MLLT6: variants seen among roughly 807,000 people sequenced by gnomAD.
MLLT6 encodes protein AF-17.
Under a neutral mutation model 103.0 loss-of-function variants are expected in MLLT6, and 22 were observed. That is an observed-to-expected ratio of 0.21 (90% CI 0.15 to 0.31). The LOEUF is 0.31. Ranked by LOEUF, MLLT6 falls within the 10% of genes least tolerant of loss-of-function variation. The pLI, the probability that MLLT6 is intolerant of heterozygous loss-of-function variation, is 1.00. For synonymous variants in MLLT6, 606 were observed against 623.5 expected (o/e 0.97, Z 0.42); for missense variants, 1,199 against 1,441.7 (o/e 0.83, Z 2.73).
In MLLT6 at chr17:38,719,743, G is replaced by C. The variant is rs375074629; in HGVS notation, c.2010-7G>C. 1 of 1,605,758 alleles carries C rather than the reference G, an allele frequency of 6.2e-7. No individual in the cohort carries two copies. The highest frequency in any genetic ancestry group is 8.5e-7 in the Non-Finnish European group (1 of 1,174,588). On this transcript the variant is annotated splice_region_variant and splice_polypyrimidine_tract_variant and intron_variant, in intron 13 of 19. Coordinates refer to ENST00000621332, the MANE Select transcript of MLLT6 (RefSeq NM_005937.4). ...GTCGACTGAACCCAGGTTCCCTCTG[G>C]CCGCAGGTCCCCCATCAGCAGCCTC...
At position 38,707,970 on chromosome 17, in the gene MLLT6, G is replaced by T. The variant is rs377561835; in HGVS notation, c.354+98G>T. 2.9e-3 allele frequency: 2,361 copies of T among 816,718 alleles called. 23 individuals carry two copies. Among genetic ancestry groups the T allele is most frequent in the South Asian group, 0.013 (826 of 65,400 alleles). 50.6% of individuals were successfully genotyped at this position (816,718 alleles called of 1,614,324 possible). A position where few individuals can be genotyped will look rare whatever the true frequency, so the allele number is the denominator to read the frequency against. ...GGTGTAATTTGATTCTGTCCAACGA[G>T]CACTGAAAGGGAACTTGGGAGGTGG... On this transcript the variant is annotated intron_variant, in intron 4 of 19. Coordinates refer to ENST00000621332, the MANE Select transcript of MLLT6 (RefSeq NM_005937.4).
In MLLT6 at chr17:38,727,779, A is replaced by G. The variant is rs1227006858; in HGVS notation, c.*2181A>G. ...CACTGCACTCCAGCCTGTGTGAGAG[A>G]GTGAGACTCTGTCTCAAAAGAGAAA... On this transcript the variant is annotated 3_prime_UTR_variant, in exon 20 of 20. Coordinates refer to ENST00000621332, the MANE Select transcript of MLLT6 (RefSeq NM_005937.4). 4.5e-6 allele frequency: 1 copy of G among 223,576 alleles called. No homozygotes were observed. Among genetic ancestry groups the G allele is most frequent in the Non-Finnish European group, 8.9e-6 (1 of 112,172 alleles). 13.8% of individuals were successfully genotyped at this position (223,576 alleles called of 1,614,324 possible). A position where few individuals can be genotyped will look rare whatever the true frequency, so the allele number is the denominator to read the frequency against.
At chr17:38,707,634 CT>C in intron 3 of MLLT6, 94 bp downstream of exon 3, 1 of 1,387,538 alleles carries the variant, frequency 7.2e-7, no homozygotes, top group Non-Finnish European at 1.0e-6. Context: ...GCCGGGTTTC[CT>C]TTCCCTGGCT....
At chr17:38,725,325 G>A (rs1276423625) in intron 19 of MLLT6, 11 of 553,990 alleles carry the variant, frequency 2.0e-5, no homozygotes, top group East Asian at 3.2e-5. Flanking sequence ...CTCTCCTGAG[G>A]GCACACGGCC....
rs1369560066 is a variant in MLLT6 at position 38,719,954 on chromosome 17, TCC to T, written c.2155+62_2155+63del. Reference sequence around the variant, plus strand: ...CCTAGGGCCCTAACAGTCACCTTTCTCCCCGAGGTCCCCAAGCTTCTTTAAGG... The same window carrying T: ...CCTAGGGCCCTAACAGTCACCTTTCTCCGAGGTCCCCAAGCTTCTTTAAGG... On this transcript the variant is annotated intron_variant, in intron 14 of 19. Coordinates refer to ENST00000621332, the MANE Select transcript of MLLT6 (RefSeq NM_005937.4). 28 of 1,489,402 alleles carry T rather than the reference TCC, an allele frequency of 1.9e-5. No homozygotes were observed. In the South Asian group the frequency reaches 3.1e-4, roughly 17 times the overall value. 92.3% of individuals were successfully genotyped at this position (1,489,402 alleles called of 1,614,324 possible).
At chr17:38,710,986 G>A (rs145194419) in intron 6 of MLLT6, among the ~76,000 whole-genome samples, 2 of 152,262 alleles carry the variant, frequency 1.3e-5, no homozygotes, top group African/African-American at 4.8e-5. Flanking sequence ...GGCTGGGGCC[G>A]TAATCCCAGG....
intron 18 of MLLT6, 132 bp downstream of exon 18, chr17:38,722,900 G>C: frequency 2.8e-6 from 2 of 708,116 alleles, no homozygotes; most frequent in Non-Finnish European, 5.0e-6. Flanking sequence ...GGGCCTGTGG[G>C]ACTGGGGCTG....
At chr17:38,719,694 G>A (rs1023071675) in intron 13 of MLLT6, 56 bp from the exon 14 acceptor site, 1 of 1,583,158 alleles carries the variant, frequency 6.3e-7, no homozygotes, top group Non-Finnish European at 8.6e-7. Flanking sequence ...CGGGAGAAGG[G>A]CCAGAGGAGC....
In MLLT6 at chr17:38,705,611, C is replaced by T. The variant is rs934134772; in HGVS notation, c.-22C>T. 1.2e-5 allele frequency: 17 copies of T among 1,472,794 alleles called. No individual in the cohort carries two copies. The highest frequency in any genetic ancestry group is 1.5e-5 in the Non-Finnish European group (16 of 1,082,566). 91.2% of individuals were successfully genotyped at this position (1,472,794 alleles called of 1,614,324 possible). ...CCGCCGGCCGGCCCCCCGCCCCAGC[C>T]CCGGAGGGAGCTCATGGGAGTATGA... is the stretch of plus-strand genomic sequence containing the variant. On this transcript the variant is annotated 5_prime_UTR_variant, in exon 1 of 20. Transcript: ENST00000621332.
rs1229990990 is a variant in MLLT6 at position 38,728,814 on chromosome 17, G to A, written c.*3216G>A. The A allele has an allele frequency of 5.1e-5, 12 of 234,096 alleles. No individual in the cohort carries two copies. Among genetic ancestry groups the A allele is most frequent in the East Asian group, 4.2e-4 (7 of 16,602 alleles). 14.5% of individuals were successfully genotyped at this position (234,096 alleles called of 1,614,324 possible). Reference sequence around the variant, plus strand: ...ACGGTGTGAGTGCAGGGCTGTGCCCGGGGTGGGAGGGTGTCTATGTGGCAC... The same window carrying A: ...ACGGTGTGAGTGCAGGGCTGTGCCCAGGGTGGGAGGGTGTCTATGTGGCAC... On this transcript the variant is annotated 3_prime_UTR_variant, in exon 20 of 20. Coordinates refer to ENST00000621332, the MANE Select transcript of MLLT6 (RefSeq NM_005937.4).
Position 38,705,602 on chromosome 17 carries a change from C to T in MLLT6, c.-31C>T, listed in dbSNP as rs373453263. 2.2e-6 allele frequency: 3 copies of T among 1,359,486 alleles called. No homozygotes were observed. Among genetic ancestry groups the T allele is most frequent in the South Asian group, 1.3e-5 (1 of 75,590 alleles). The allele number at this position is 1,359,486 out of a possible 1,614,324, so 84.2% of individuals were successfully genotyped here. A position where few individuals can be genotyped will look rare whatever the true frequency, so the allele number is the denominator to read the frequency against. On this transcript the variant is annotated 5_prime_UTR_variant, in exon 1 of 20. Transcript: ENST00000621332. ...CCCCGACCCCCGCCGGCCGGCCCCC[C>T]GCCCCAGCCCCGGAGGGAGCTCATG...
At chr17:38,714,234 G>A (rs1352030480) in intron 8 of MLLT6, 5 of 152,260 alleles carry the variant, frequency 3.3e-5, no homozygotes, top group Non-Finnish European at 7.3e-5. Context: ...TAAAGTGGTA[G>A]ACCTGAGATT....
At chr17:38,725,311 C>T in intron 19 of MLLT6, 2 of 548,084 alleles carry the variant, frequency 3.6e-6, no homozygotes, top group Non-Finnish European at 6.4e-6. Context: ...GAAAGGCCCT[C>T]TCCCTCTCCT....
rs1332515982 is a variant in MLLT6 at position 38,711,964 on chromosome 17, T to G, written c.670T>G (p.Ser224Ala). 1 of 1,608,202 alleles carries G rather than the reference T, an allele frequency of 6.2e-7. No homozygotes were observed. The highest frequency in any genetic ancestry group is 8.5e-7 in the Non-Finnish European group (1 of 1,176,738). The change falls in exon 7 of 20, where the codon TCC (serine) becomes GCC (alanine). Residue 224 changes from serine to alanine, a missense_variant. This residue lies in a region of MLLT6 where 1,034 missense variants were observed against 1,091.5 expected (regional missense o/e 0.95). Transcript: ENST00000621332. ...GAGGAGAAGCCGGTCAGCCTCACCA[T>G]CCACGCAGCAGGAGAAGCACCCCAC... ...SGRRSRSASP[S>A]TQQEKHPTHH...
At position 38,728,421 on chromosome 17, in the gene MLLT6, CAG is replaced by C. The variant is rs1233161484; in HGVS notation, c.*2826_*2827del. On this transcript the variant is annotated 3_prime_UTR_variant, in exon 20 of 20. Coordinates refer to ENST00000621332, the MANE Select transcript of MLLT6 (RefSeq NM_005937.4). Reference sequence around the variant, plus strand: ...AAGGATGTGGTTTGCAGAGCGGAAGCAGAGTTTGGAAACGCATGAGAGCAGAG... The same window carrying C: ...AAGGATGTGGTTTGCAGAGCGGAAGCAGTTTGGAAACGCATGAGAGCAGAG... 1 of 233,262 alleles carries C rather than the reference CAG, an allele frequency of 4.3e-6. No individual in the cohort carries two copies. Among genetic ancestry groups the C allele is most frequent in the African/African-American group, 2.2e-5 (1 of 45,336 alleles). The allele number at this position is 233,262 out of a possible 1,614,324, so 14.4% of individuals were successfully genotyped here.
chr17:38,708,080 G>A (rs553365546), intron 4 of MLLT6: 10 of 580,906 alleles, frequency 1.7e-5, no homozygotes, highest in Admixed American at 1.3e-4. Flanking sequence ...CTCCCCTGCA[G>A]TAGTTCTGCC....
intron 17 of MLLT6, 45 bp from the exon 18 acceptor site, chr17:38,722,633 A>AGGGGGGG: frequency 5.3e-6 from 2 of 377,878 alleles, no homozygotes. Flanking sequence ...GCCCTCCCCC[A>AGGGGGGG]TGGTCTGTGT....
intron 19 of MLLT6, 51 bp downstream of exon 19, chr17:38,725,027 A>T (rs1905951227): frequency 1.6e-6 from 2 of 1,275,608 alleles, no homozygotes; most frequent in Non-Finnish European, 2.1e-6. Context: ...GGATGGGTAG[A>T]GATGGATTGT....
chr17:38,722,012 G>C lies in MLLT6; in HGVS notation c.2577G>C (p.Pro859=). 1 of 1,478,212 alleles carries C rather than the reference G, an allele frequency of 6.8e-7. No individual in the cohort carries two copies. The allele number at this position is 1,478,212 out of a possible 1,614,324, so 91.6% of individuals were successfully genotyped here. ...LALPGAPAPL[P]PQPQNGLGRA... ...TGCCTGGGGCCCCTGCCCCACTCCC[G>C]CCCCAGCCGCAGAACGGGTTGGGCC... Residue 859 remains proline, a synonymous_variant, in exon 17 of 20, where the codon CCG becomes CCC. Transcript: ENST00000621332.
Sources: allele counts gnomAD v4.1 joint callset (sites outside exome capture counted in the v4.1 genomes callset), GRCh38; gene constraint gnomAD v4.1.1; regional missense constraint gnomAD v4.1.1; transcripts MANE v1.5; gene names NCBI Gene and HGNC (gene_info 2026-07-23, HGNC 2026-07-21).